The following PAX7 variants were observed in gnomAD, a reference collection of about 807,000 sequenced individuals.
PAX7 encodes the protein paired box protein Pax-7.
In PAX7, 18 loss-of-function variants were observed where a neutral mutation model predicts 50.7. The observed-to-expected ratio is 0.36, with a 90% CI of 0.25 to 0.53. The LOEUF (loss-of-function observed/expected upper bound fraction) is 0.53. PAX7 is among the 20% of genes least tolerant of loss of function. PAX7 has a pLI of 0.93. For missense variants in PAX7, 644 were observed against 702.9 expected (o/e 0.92, Z 0.95); for synonymous variants, 310 against 290.4 (o/e 1.07, Z -0.69).
At chr1:18,654,494 T>G (rs2088482380) in intron 4 of PAX7, among the ~76,000 whole-genome samples, 1 of 151,640 alleles carries the variant, frequency 6.6e-6, no homozygotes, top group Non-Finnish European at 1.5e-5. Context: ...CTGGTGCTCA[T>G]GTGCAATGCC....
At chr1:18,678,330 C>T (rs2088852852) in intron 4 of PAX7, among the ~76,000 whole-genome samples, 1 of 151,594 alleles carries the variant, frequency 6.6e-6, no homozygotes, top group Non-Finnish European at 1.5e-5. Flanking sequence ...ACCCAGGAGG[C>T]GGAGGTTGCA....
At position 18,700,767 on chromosome 1, in the gene PAX7, C is replaced by T. The variant is rs754735874; in HGVS notation, c.901C>T (p.Pro301Ser). Residue 301 changes from proline (P) to serine (S), a missense_variant, in exon 6 of 9, where the codon CCC becomes TCC. By Grantham distance (74) the Pro-to-Ser change is moderately conservative. Coordinates refer to ENST00000420770, the MANE Select transcript of PAX7 (RefSeq NM_001135254.2). The surrounding 1 kb of genome is among the most constrained non-coding windows in gnomAD (Gnocchi z 4.8). ...GFPPTGMPTLPPYQLPDSTYP... is the reference protein window; with the variant it reads ...GFPPTGMPTLSPYQLPDSTYP... Reference sequence around the variant, plus strand: ...CCCACCCACCGGCATGCCCACGCTGCCCCCCTACCAGCTGCCGGACTCCAC... The same window carrying T: ...CCCACCCACCGGCATGCCCACGCTGTCCCCCTACCAGCTGCCGGACTCCAC... The T allele has an allele frequency of 6.3e-7, 1 of 1,588,110 alleles. No individual in the cohort carries two copies. The highest frequency in any genetic ancestry group is 1.1e-5 in the South Asian group (1 of 87,876).
intron 7 of PAX7, among the ~76,000 whole-genome samples, chr1:18,704,562 G>C (rs139501228): frequency 1.3e-5 from 2 of 152,298 alleles, no homozygotes; most frequent in East Asian, 3.9e-4. Context: ...AGAGGTTGCA[G>C]TGAGCCAAGA....
intron 4 of PAX7, among the ~76,000 whole-genome samples, chr1:18,651,329 A>G (rs920320068): frequency 6.6e-6 from 1 of 152,236 alleles, no homozygotes; most frequent in Non-Finnish European, 1.5e-5. Flanking sequence ...TAAAATGTAT[A>G]TGCATATATT....
intron 7 of PAX7, among the ~76,000 whole-genome samples, chr1:18,725,724 G>A (rs1393239728): frequency 6.6e-6 from 1 of 152,204 alleles, no homozygotes; most frequent in Non-Finnish European, 1.5e-5. Context: ...GCTCCGAGCA[G>A]AGTCACTCTA....
intron 7 of PAX7, among the ~76,000 whole-genome samples, chr1:18,724,484 C>T (rs750146370): frequency 9.2e-5 from 14 of 152,234 alleles, no homozygotes; most frequent in Non-Finnish European, 1.9e-4. Flanking sequence ...CAATCCGTAA[C>T]TTCGAGGGAC....
chr1:18,642,802 G>A (rs538980239), intron 4 of PAX7, among the ~76,000 whole-genome samples: 26 of 152,174 alleles, frequency 1.7e-4, no homozygotes, highest in African/African-American at 6.0e-4. Context: ...ACCTAAGGGG[G>A]AAACTTCGCC....
chr1:18,699,378 G>A (rs1277437022), intron 5 of PAX7, among the ~76,000 whole-genome samples: 1 of 152,156 alleles, frequency 6.6e-6, no homozygotes, highest in Non-Finnish European at 1.5e-5. Context: ...TTTCAGCTGA[G>A]CTCTGAAGGC....
intron 4 of PAX7, among the ~76,000 whole-genome samples, chr1:18,666,063 C>T (rs544750108): frequency 6.6e-6 from 1 of 152,164 alleles, no homozygotes; most frequent in African/African-American, 2.4e-5. Flanking sequence ...AATCCTAGCA[C>T]CTCAGGAGGC....
Position 18,634,268 on chromosome 1 carries a change from C to G in PAX7, c.86-35C>G, listed in dbSNP as rs1170412887. The G allele has an allele frequency of 6.4e-7, 1 of 1,557,614 alleles. No individual in the cohort carries two copies. Among genetic ancestry groups the G allele is most frequent in the East Asian group, 2.3e-5 (1 of 43,928 alleles). On this transcript the variant is annotated intron_variant, in intron 1 of 8. Coordinates refer to ENST00000420770, the MANE Select transcript of PAX7 (RefSeq NM_001135254.2). This position sits in a 1 kb window ranked among gnomAD's most constrained non-coding sequence, Gnocchi z 4.0. ...GTCTGCTCTCCATCCTCACCCTGCA[C>G]CTCTCTCCTTCTGCATCTCCCCTCC...
rs113656955 is a variant in PAX7, at chr1:18,674,303, G to A, written c.587-17451G>A. Reference sequence around the variant, plus strand: ...CAGCTCATGGAGGAGGTAGGTGTCCGGTGTGGTTCCTGACTTCAGTCTTTT... The same window carrying A: ...CAGCTCATGGAGGAGGTAGGTGTCCAGTGTGGTTCCTGACTTCAGTCTTTT... On this transcript the variant is annotated intron_variant, in intron 4 of 8. Transcript: ENST00000420770. Among the ~76,000 whole-genome samples, 1,258 of 152,324 alleles carry A rather than the reference G, an allele frequency of 8.3e-3. 23 individuals carry two copies. The highest frequency in any genetic ancestry group is 0.029 in the African/African-American group (1,197 of 41,572).
chr1:18,733,328 A>C (rs2089670268), intron 7 of PAX7, among the ~76,000 whole-genome samples: 1 of 152,000 alleles, frequency 6.6e-6, no homozygotes, highest in Non-Finnish European at 1.5e-5. Context: ...AGTTAGGGAG[A>C]CCTCAGCTCC....
In PAX7 at chr1:18,636,997, G is replaced by A. The variant is rs1199156612; in HGVS notation, c.586+626G>A. 6.6e-6 allele frequency among the ~76,000 whole-genome samples: 1 copy of A among 152,196 alleles called. No individual in the cohort carries two copies. The highest frequency in any genetic ancestry group is 2.4e-5 in the African/African-American group (1 of 41,450). On this transcript the variant is annotated intron_variant, in intron 4 of 8. Transcript: ENST00000420770. The surrounding 1 kb of genome is among the most constrained non-coding windows in gnomAD (Gnocchi z 5.1). ...TCTGTGGCGTGCGCCGGCAGGGCTGGGAGTGGAGGCCAAGTTCCCAGATGC... is the reference window on the plus strand; with the variant it reads ...TCTGTGGCGTGCGCCGGCAGGGCTGAGAGTGGAGGCCAAGTTCCCAGATGC...
At position 18,631,300 on chromosome 1, in the gene PAX7, G is replaced by A; in HGVS notation, c.-304G>A. On this transcript the variant is annotated 5_prime_UTR_variant, in exon 1 of 9. Transcript: ENST00000420770. ...GGCGCATCAGCCCGCACAACTTCTG[G>A]CCGAGGCCAGCCGGCAGAGGCGGAC... 6.5e-6 allele frequency: 2 copies of A among 309,542 alleles called. No individual in the cohort carries two copies. The highest frequency in any genetic ancestry group is 1.2e-5 in the Non-Finnish European group (2 of 165,838). The allele number at this position is 309,542 out of a possible 1,614,324, so 19.2% of individuals were successfully genotyped here.
chr1:18,636,409 G>C lies in PAX7; in HGVS notation c.586+38G>C. 1 of 1,603,612 alleles carries C rather than the reference G, an allele frequency of 6.2e-7. No homozygotes were observed. Among genetic ancestry groups the C allele is most frequent in the Non-Finnish European group, 8.5e-7 (1 of 1,173,394 alleles). On this transcript the variant is annotated intron_variant, in intron 4 of 8. Transcript: ENST00000420770. This position sits in a 1 kb window ranked among gnomAD's most constrained non-coding sequence, Gnocchi z 5.1. Reference sequence around the variant, plus strand: ...CCTGGGCTGCGAGGCCCCAGCCCGGGTTTTCCCACGCTCCGGTGTGCGGGC... The same window carrying C: ...CCTGGGCTGCGAGGCCCCAGCCCGGCTTTTCCCACGCTCCGGTGTGCGGGC...
At chr1:18,705,721 G>A (rs912488069) in intron 7 of PAX7, among the ~76,000 whole-genome samples, 2 of 152,316 alleles carry the variant, frequency 1.3e-5, no homozygotes, top group Middle Eastern at 6.8e-3. Context: ...ATGGCAAGGA[G>A]ACTTCAGGGT....
chr1:18,741,004 A>T (rs1306351305), intron 8 of PAX7, among the ~76,000 whole-genome samples: 3 of 152,188 alleles, frequency 2.0e-5, no homozygotes, highest in Non-Finnish European at 4.4e-5. Context: ...AGGGAGGGAG[A>T]TGAAGAGAGG....
chr1:18,701,349 CATGAGTGTGTGCGT>C (rs922884801), intron 6 of PAX7, among the ~76,000 whole-genome samples: 1 of 151,054 alleles, frequency 6.6e-6, no homozygotes, highest in Admixed American at 6.6e-5. Flanking sequence ...CGTGTGAGTG[CATGAGTGTGTGCGT>C]ATGAGTGAGT....
intron 4 of PAX7, among the ~76,000 whole-genome samples, chr1:18,658,089 C>T (rs954200043): frequency 2.0e-5 from 3 of 152,196 alleles, no homozygotes; most frequent in Non-Finnish European, 2.9e-5. Context: ...TTTTTCCAGC[C>T]CAAAGCTCCG....
Sources: gnomAD v4.1 joint callset for allele counts (sites outside exome capture counted in the v4.1 genomes callset) on GRCh38, gnomAD v4.1.1 for gene constraint, Gnocchi (gnomAD v3.1) non-coding constraint, MANE v1.5 for transcripts, NCBI Gene and HGNC (gene_info 2026-07-23, HGNC 2026-07-21) for gene names.